The following SFMBT2 variants were observed in gnomAD, a reference collection of about 807,000 sequenced individuals.
SFMBT2 encodes scm-like with four MBT domains protein 2.
In SFMBT2, 38 loss-of-function variants were observed where a neutral mutation model predicts 110.1. The observed-to-expected ratio is 0.35, with a 90% confidence interval of 0.27 to 0.45. The LOEUF (loss-of-function observed/expected upper bound fraction) is 0.45, where lower values mean the gene tolerates loss of function less well. Among genes scored for constraint, SFMBT2 ranks in the 20% least tolerant of loss-of-function variants. The pLI, the probability that SFMBT2 is intolerant of heterozygous loss-of-function variation, is 1.00. For synonymous variants in SFMBT2, 425 were observed against 425.4 expected (o/e 1.00, Z 0.01); for missense variants, 1,011 against 1,094.9 (o/e 0.92, Z 1.08).
At chr10:7,223,252 A>G (rs1484949766) in intron 10 of SFMBT2, among the ~76,000 whole-genome samples, 1 of 152,206 alleles carries the variant, frequency 6.6e-6, no homozygotes, top group Non-Finnish European at 1.5e-5. Flanking sequence ...TCCCATGAGC[A>G]GTGTGTGAGA....
At chr10:7,378,896 G>A in intron 2 of SFMBT2, among the ~76,000 whole-genome samples, 1 of 151,954 alleles carries the variant, frequency 6.6e-6, no homozygotes, top group East Asian at 1.9e-4. Flanking sequence ...TGAAGGGGCA[G>A]GTGCCCCCCA....
intron 10 of SFMBT2, among the ~76,000 whole-genome samples, chr10:7,222,572 C>A (rs181724335): frequency 6.6e-6 from 1 of 152,200 alleles, no homozygotes; most frequent in East Asian, 1.9e-4. Flanking sequence ...TGCTTTACGG[C>A]TGTTAATTAC....
rs201629053 is a variant in SFMBT2, at chr10:7,170,970, C to T, written c.2502G>A (p.Lys834=). The T allele has an allele frequency of 1.0e-4, 168 of 1,614,194 alleles. No individual in the cohort carries two copies. The highest frequency in any genetic ancestry group is 1.4e-4 in the Non-Finnish European group (161 of 1,180,038). The part of the protein sequence containing the change: ...WTVTDVVRFI[K]LTDCAPLAKI... ...TGGCCAAGGGGGCACAGTCTGTCAG[C>T]TTAATGAACCTCACCACGTCGGTGA... Residue 834 remains lysine, a synonymous_variant, in exon 20 of 21, where the codon AAG becomes AAA. Transcript: ENST00000397167. This position sits in a 1 kb window ranked among gnomAD's most constrained non-coding sequence, Gnocchi z 4.6.
At chr10:7,364,458 T>G (rs1246794900) in intron 4 of SFMBT2, among the ~76,000 whole-genome samples, 2 of 152,244 alleles carry the variant, frequency 1.3e-5, no homozygotes, top group Non-Finnish European at 2.9e-5. Context: ...ATTTGTCTTC[T>G]GAGGGAGAAG....
At position 7,205,831 on chromosome 10, in the gene SFMBT2, T is replaced by C. The variant is rs1839113904; in HGVS notation, c.1428A>G (p.Ala476=). 1 of 1,613,950 alleles carries C rather than the reference T, an allele frequency of 6.2e-7. No individual in the cohort carries two copies. Among genetic ancestry groups the C allele is most frequent in the Non-Finnish European group, 8.5e-7 (1 of 1,179,940 alleles). Residue 476 remains alanine (A), a synonymous_variant, in exon 12 of 21, where the codon GCA becomes GCG. Coordinates refer to ENST00000397167, the MANE Select transcript of SFMBT2 (RefSeq NM_001387889.1). ...WCEANSYPLT[A]PHKTVSQKKR... The stretch of plus-strand genomic sequence containing the variant: ...ACCACTTACAGACTGTTTTGTGTGG[T>C]GCAGTCAAAGGATAAGAATTGGCTT...
Position 7,285,884 on chromosome 10 carries a change from G to A in SFMBT2, c.507C>T (p.Pro169=), listed in dbSNP as rs746931752. The A allele has an allele frequency of 3.9e-5, 34 of 872,526 alleles. 1 individual carries two copies. Among genetic ancestry groups the A allele is most frequent in the Middle Eastern group, 2.3e-4 (1 of 4,442 alleles). 54.0% of individuals were successfully genotyped at this position (872,526 alleles called of 1,614,324 possible). A position where few individuals can be genotyped will look rare whatever the true frequency, so the allele number is the denominator to read the frequency against. The part of the protein sequence containing the change: ...IRDLTGSRTA[P]ANLLEGPLRG... ...TACATACACCTTCCAGGAGGTTGGC[G>A]GGTGCTGTCCTCGAACCAGTCAAGT... is the stretch of plus-strand genomic sequence containing the variant. Residue 169 remains proline (P), a synonymous_variant, in exon 5 of 21, where the codon CCC becomes CCT. Coordinates refer to ENST00000397167, the MANE Select transcript of SFMBT2 (RefSeq NM_001387889.1).
At chr10:7,211,810 G>A (rs1338585603) in intron 11 of SFMBT2, among the ~76,000 whole-genome samples, 1 of 152,146 alleles carries the variant, frequency 6.6e-6, no homozygotes, top group Non-Finnish European at 1.5e-5. Flanking sequence ...AAAATGCATA[G>A]TAACTACCTG....
intron 11 of SFMBT2, among the ~76,000 whole-genome samples, chr10:7,210,512 C>T (rs1475676648): frequency 6.6e-6 from 1 of 152,196 alleles, no homozygotes; most frequent in Non-Finnish European, 1.5e-5. Flanking sequence ...ACTGCTTCAG[C>T]TCAGTTAAAG....
chr10:7,232,330 G>A (rs1046821552), intron 9 of SFMBT2, among the ~76,000 whole-genome samples: 29 of 151,952 alleles, frequency 1.9e-4, no homozygotes, highest in South Asian at 6.2e-4. Flanking sequence ...ACCCTTTGAC[G>A]CAACCATTTC....
At chr10:7,176,227 G>C (rs892618517) in intron 16 of SFMBT2, 62 bp from the exon 17 acceptor site, 107 of 1,512,336 alleles carry the variant, frequency 7.1e-5, no homozygotes, top group South Asian at 6.4e-4. Flanking sequence ...GGCCTATTCT[G>C]TACCACACAT....
intron 9 of SFMBT2, among the ~76,000 whole-genome samples, chr10:7,228,720 TTTCTTTCTTTCTTTCC>T (rs1409170303): frequency 3.2e-5 from 4 of 126,304 alleles, no homozygotes; most frequent in African/African-American, 6.9e-5. Flanking sequence ...TCTTTCTTTC[TTTCTTTCTTTCTTTCC>T]TTTCTCTCTC....
chr10:7,306,709 A>G (rs913891801), intron 4 of SFMBT2, among the ~76,000 whole-genome samples: 5 of 150,112 alleles, frequency 3.3e-5, no homozygotes, highest in Admixed American at 6.7e-5. Flanking sequence ...TAAAAAAAAA[A>G]TGATACAGAA....
chr10:7,214,266 C>A (rs971603501), intron 11 of SFMBT2, among the ~76,000 whole-genome samples: 1 of 152,240 alleles, frequency 6.6e-6, no homozygotes, highest in Non-Finnish European at 1.5e-5. Flanking sequence ...CAGGCCACTG[C>A]AGCAGGTGAA....
At chr10:7,357,858 G>A (rs573090773) in intron 4 of SFMBT2, among the ~76,000 whole-genome samples, 12 of 152,352 alleles carry the variant, frequency 7.9e-5, no homozygotes, top group African/African-American at 2.6e-4. Flanking sequence ...CTAAGGACTC[G>A]AGTTGGAGGC....
At chr10:7,315,951 A>C (rs766813066) in intron 4 of SFMBT2, among the ~76,000 whole-genome samples, 2 of 152,212 alleles carry the variant, frequency 1.3e-5, no homozygotes, top group Non-Finnish European at 2.9e-5. Flanking sequence ...AAGTACACAG[A>C]TTAAGGCTAA....
intron 2 of SFMBT2, among the ~76,000 whole-genome samples, chr10:7,371,456 C>G (rs1276731245): frequency 6.6e-6 from 1 of 152,072 alleles, no homozygotes; most frequent in Admixed American, 6.5e-5. Context: ...TTTCACAAAT[C>G]CACACACCCA....
intron 11 of SFMBT2, among the ~76,000 whole-genome samples, chr10:7,213,764 C>T (rs370567048): frequency 4.1e-5 from 6 of 146,190 alleles, no homozygotes; most frequent in South Asian, 2.2e-4. Flanking sequence ...GCCATGGGCG[C>T]GGGCACTCAG....
chr10:7,208,686 CAAAA>C (rs5782957), intron 11 of SFMBT2, among the ~76,000 whole-genome samples: 6 of 140,170 alleles, frequency 4.3e-5, no homozygotes, highest in South Asian at 4.5e-4. Context: ...AATTCCATCT[CAAAA>C]AAAAAAAAAA....
intron 16 of SFMBT2, among the ~76,000 whole-genome samples, chr10:7,182,855 T>C (rs2131559135): frequency 6.6e-6 from 1 of 151,516 alleles, no homozygotes; most frequent in South Asian, 2.1e-4. Flanking sequence ...ACCCTAGAAC[T>C]TAAAGTATAA....
Sources: allele counts gnomAD v4.1 joint callset (sites outside exome capture counted in the v4.1 genomes callset), GRCh38; gene constraint gnomAD v4.1.1; non-coding constraint Gnocchi (gnomAD v3.1); transcripts MANE v1.5; gene names NCBI Gene and HGNC (gene_info 2026-07-23, HGNC 2026-07-21).